ARNT2: variants seen among roughly 807,000 people sequenced by gnomAD.
The protein encoded by ARNT2 is ARNT protein 2.
Under a neutral mutation model 91.7 loss-of-function variants are expected in ARNT2, and 36 were observed. The observed-to-expected ratio is 0.39, with a 90% CI of 0.30 to 0.52. The LOEUF (loss-of-function observed/expected upper bound fraction) is 0.52. ARNT2 is among the 20% of genes least tolerant of loss of function. The pLI is 0.72. For missense variants in ARNT2, 775 were observed against 939.3 expected, an observed-to-expected ratio of 0.83 and a Z score of 2.29; for synonymous variants, 365 against 347.1, an observed-to-expected ratio of 1.05 and a Z score of -0.57.
Position 80,575,050 on chromosome 15 carries a change from G to A in ARNT2, c.1453G>A (p.Ala485Thr). The A allele has an allele frequency of 1.2e-6, 2 of 1,614,216 alleles. No individual in the cohort carries two copies. Among genetic ancestry groups the A allele is most frequent in the South Asian group, 2.2e-5 (2 of 91,086 alleles). The change falls in exon 14 of 19, where the codon GCA (alanine) becomes ACA (threonine). Residue 485 changes from alanine (A) to threonine (T), a missense_variant. Physicochemically the swap from Ala to Thr is moderately conservative, Grantham distance 58 (BLOSUM62 0). Transcript: ENST00000303329. ...EAGKSVEKAD[A>T]IFSQERDPRF... The stretch of plus-strand genomic sequence containing the variant: ...CGGGAAGTCCGTGGAAAAGGCGGAT[G>A]CAATCTTCTCCCAGGAAAGAGATCC...
chr15:80,567,589 C>T (rs1487066693), intron 12 of ARNT2, among the ~76,000 whole-genome samples: 1 of 152,136 alleles, frequency 6.6e-6, no homozygotes, highest in African/African-American at 2.4e-5. Flanking sequence ...AAGTAAAGAT[C>T]CCCCTGTGAA....
At chr15:80,582,481 G>A (rs1898817730) in intron 17 of ARNT2, among the ~76,000 whole-genome samples, 1 of 151,888 alleles carries the variant, frequency 6.6e-6, no homozygotes, top group Admixed American at 6.6e-5. Flanking sequence ...GGGTGACACA[G>A]TGAGACCCTG....
chr15:80,519,263 A>T (rs904834752), intron 8 of ARNT2, among the ~76,000 whole-genome samples: 1 of 152,132 alleles, frequency 6.6e-6, no homozygotes, highest in Non-Finnish European at 1.5e-5. Context: ...TTCTCCAAAG[A>T]TGATTTTGAG....
At chr15:80,540,012 C>T (rs893793868) in intron 8 of ARNT2, among the ~76,000 whole-genome samples, 2 of 152,088 alleles carry the variant, frequency 1.3e-5, no homozygotes, top group Admixed American at 1.3e-4. Flanking sequence ...AGAACTACCA[C>T]ATGATCCAGC....
chr15:80,534,371 G>A (rs1897787777), intron 8 of ARNT2, among the ~76,000 whole-genome samples: 1 of 151,854 alleles, frequency 6.6e-6, no homozygotes, highest in East Asian at 1.9e-4. Context: ...ATGTTCATTA[G>A]TGAAACTTGA....
rs1893395091 is a variant in ARNT2 at position 80,597,590 on chromosome 15, G to A, written c.*3892G>A. The stretch of plus-strand genomic sequence containing the variant: ...TTTTGTGGCCAAAGCTAGTGTTATG[G>A]TCAACAACAGGCCAGGGTCTGTGGG... On this transcript the variant is annotated 3_prime_UTR_variant, in exon 19 of 19. Transcript: ENST00000303329. The A allele has an allele frequency of 9.8e-6, 2 of 203,066 alleles. No individual in the cohort carries two copies. The allele number at this position is 203,066 out of a possible 1,614,324, so 12.6% of individuals were successfully genotyped here.
chr15:80,440,926 T>A (rs1896179015), intron 1 of ARNT2, among the ~76,000 whole-genome samples: 1 of 152,238 alleles, frequency 6.6e-6, no homozygotes, highest in Admixed American at 6.5e-5. Context: ...TTCTGTACAT[T>A]GTGCTATAAA....
chr15:80,476,300 G>A lies in ARNT2; in HGVS notation c.622+1077G>A, dbSNP rs116967760. 2.1e-3 allele frequency among the ~76,000 whole-genome samples: 322 copies of A among 152,286 alleles called. 5 individuals carry two copies. The East Asian group carries it at 0.024, about 12-fold the overall frequency. ...GGGCCGAGAGAGCTGACTGATGTCT[G>A]AGGTATGTGAATTTTGTGTATTTCC... is the stretch of plus-strand genomic sequence containing the variant. On this transcript the variant is annotated intron_variant, in intron 5 of 18. Coordinates refer to ENST00000303329, the MANE Select transcript of ARNT2 (RefSeq NM_014862.4).
intron 1 of ARNT2, chr15:80,444,355 G>GGTGT (rs59533738): frequency 0.031 from 4,647 of 150,554 alleles, 80 homozygotes; most frequent in Non-Finnish European, 0.039. Flanking sequence ...GTGTGTACGT[G>GGTGT]GTGTGTGTGT....
chr15:80,453,528 C>G (rs920264567), intron 2 of ARNT2, among the ~76,000 whole-genome samples: 4 of 152,332 alleles, frequency 2.6e-5, no homozygotes, highest in Admixed American at 2.6e-4. Context: ...TGCTGAAATT[C>G]TATGACTGAG....
chr15:80,475,096 C>T lies in ARNT2; in HGVS notation c.495C>T (p.Asp165=). 1 of 1,614,200 alleles carries T rather than the reference C, an allele frequency of 6.2e-7. No homozygotes were observed. The highest frequency in any genetic ancestry group is 8.5e-7 in the Non-Finnish European group (1 of 1,180,050). Residue 165 remains aspartate, a synonymous_variant, in exon 5 of 19, where the codon GAC becomes GAT. Transcript: ENST00000303329. ...CAGGGCGAGTGATTTATGTGTCTGA[C>T]TCCGTCACCCCTGTTCTGAACCAGC... ...AETGRVIYVS[D]SVTPVLNQPQ...
In ARNT2 at chr15:80,470,718, C is replaced by T. The variant is rs140332119; in HGVS notation, c.408+287C>T. Among the ~76,000 whole-genome samples, 411 of 152,308 alleles carry T rather than the reference C, an allele frequency of 2.7e-3. 7 individuals are homozygous for T. The highest frequency in any genetic ancestry group is 0.025 in the East Asian group (129 of 5,186). ...TGACACAGGAAGAAGTTAGTAAAAA[C>T]GCTGTATGCTGGAATTGTGCTGATA... On this transcript the variant is annotated intron_variant, in intron 4 of 18. Coordinates refer to ENST00000303329, the MANE Select transcript of ARNT2 (RefSeq NM_014862.4).
chr15:80,502,824 G>A (rs1285204388), intron 5 of ARNT2, among the ~76,000 whole-genome samples: 4 of 152,140 alleles, frequency 2.6e-5, no homozygotes, highest in Non-Finnish European at 5.9e-5. Flanking sequence ...AAGGAGCAGG[G>A]GGCTTGGATC....
rs757222809 is a variant in ARNT2 at position 80,575,104 on chromosome 15, A to C, written c.1507A>C (p.Ser503Arg). The C allele has an allele frequency of 3.7e-6, 6 of 1,614,118 alleles. No homozygotes were observed. The highest frequency in any genetic ancestry group is 5.1e-6 in the Non-Finnish European group (6 of 1,179,954). Residue 503 changes from serine (S) to arginine (R), a missense_variant, in exon 14 of 19, where the codon AGT becomes CGT. Ser to Arg is a moderately radical substitution (Grantham distance 110, BLOSUM62 -1). Coordinates refer to ENST00000303329, the MANE Select transcript of ARNT2 (RefSeq NM_014862.4). ...PRFAEMFAGI[S>R]ASEKKMMSSA... ...GTTTGCTGAAATGTTTGCAGGAATT[A>C]GTGCATGTAAGTTTCCAAATGGTAC...
intron 1 of ARNT2, among the ~76,000 whole-genome samples, chr15:80,448,858 G>A (rs1036438508): frequency 1.1e-4 from 17 of 152,112 alleles, no homozygotes; most frequent in Admixed American, 2.6e-4. Context: ...GGTGGCGGGC[G>A]CCTGTAGTCC....
At position 80,498,954 on chromosome 15, in the gene ARNT2, C is replaced by T. The variant is rs1162829671; in HGVS notation, c.623-9202C>T. 2.0e-5 allele frequency among the ~76,000 whole-genome samples: 3 copies of T among 152,174 alleles called. No homozygotes were observed. The East Asian group carries it at 5.8e-4, about 29-fold the overall frequency. On this transcript the variant is annotated intron_variant, in intron 5 of 18. Transcript: ENST00000303329. ...AGTACAGGCTCTGCAGTAAGTCAGG[C>T]TGCCCTCTTCAAATCCTGACTCCGC...
At position 80,404,560 on chromosome 15, in the gene ARNT2, T is replaced by TGGGCCCCGCCGCCCGCCGCAGCCC; in HGVS notation, c.31+16_31+39dup. ...TCAACCCTCCGGGTGAGTAGCGGCC[T>TGGGCCCCGCCGCCCGCCGCAGCCC]GGGCCCCGCCGCCCGCCGCAGCCCG... On this transcript the variant is annotated intron_variant, in intron 1 of 18. Coordinates refer to ENST00000303329, the MANE Select transcript of ARNT2 (RefSeq NM_014862.4). The surrounding 1 kb of genome is among the most constrained non-coding windows in gnomAD (Gnocchi z 5.5). The TGGGCCCCGCCGCCCGCCGCAGCCC allele has an allele frequency of 1.8e-6, 2 of 1,115,338 alleles. No individual in the cohort carries two copies. Among genetic ancestry groups the TGGGCCCCGCCGCCCGCCGCAGCCC allele is most frequent in the South Asian group, 2.4e-5 (1 of 40,910 alleles). 69.1% of individuals were successfully genotyped at this position (1,115,338 alleles called of 1,614,324 possible).
intron 12 of ARNT2, among the ~76,000 whole-genome samples, chr15:80,568,034 CA>C (rs975621931): frequency 2.0e-5 from 3 of 152,150 alleles, no homozygotes; most frequent in Non-Finnish European, 4.4e-5. Flanking sequence ...CAAAAGCATC[CA>C]AAAGAAACTT....
chr15:80,563,630 G>T (rs571417814), intron 12 of ARNT2, among the ~76,000 whole-genome samples: 2 of 152,308 alleles, frequency 1.3e-5, no homozygotes, highest in African/African-American at 4.8e-5. Flanking sequence ...CCGAAGCCGG[G>T]GGTGGAGGAA....
Sources: allele counts gnomAD v4.1 joint callset (sites outside exome capture counted in the v4.1 genomes callset), GRCh38; gene constraint gnomAD v4.1.1; non-coding constraint Gnocchi (gnomAD v3.1); transcripts MANE v1.5; gene names NCBI Gene and HGNC (gene_info 2026-07-23, HGNC 2026-07-21).